RPA2: variants seen among roughly 807,000 people sequenced by gnomAD.
RPA2 encodes the protein replication protein A 32 kDa subunit.
RPA2 carries 22 observed loss-of-function variants against 33.4 expected under a neutral mutation model. That is an observed-to-expected ratio of 0.66 (90% CI 0.47 to 0.94). The LOEUF is 0.94. RPA2 is among the 40% of genes least tolerant of loss of function. The pLI is 0.00. For synonymous variants in RPA2, 109 were observed against 114.9 expected (o/e 0.95, Z 0.33); for missense variants, 279 against 329.9 (o/e 0.85, Z 1.19).
At chr1:27,892,373 C>A in intron 8 of RPA2, 126 bp from the exon 9 acceptor site, 1 of 702,992 alleles carries the variant, frequency 1.4e-6, no homozygotes, top group Non-Finnish European at 2.5e-6. Context: ...TAAGAATTCA[C>A]AAGTATTCTG....
intron 4 of RPA2, among the ~76,000 whole-genome samples, chr1:27,900,056 G>A (rs896432366): frequency 2.0e-5 from 3 of 152,154 alleles, no homozygotes; most frequent in Admixed American, 1.3e-4. Context: ...TGATCCACCC[G>A]CCTCCGCCTC....
intron 2 of RPA2, among the ~76,000 whole-genome samples, chr1:27,912,057 A>G (rs2090103370): frequency 6.6e-6 from 1 of 151,808 alleles, no homozygotes. Context: ...TTGTGTCACT[A>G]CACTCCAGCC....
chr1:27,908,814 G>A (rs946926682), intron 2 of RPA2, among the ~76,000 whole-genome samples: 1 of 152,168 alleles, frequency 6.6e-6, no homozygotes, highest in African/African-American at 2.4e-5. Context: ...ATATCTTAAA[G>A]CAGCCAGACA....
chr1:27,899,537 C>T (rs1393238690), intron 4 of RPA2, among the ~76,000 whole-genome samples: 1 of 142,010 alleles, frequency 7.0e-6, no homozygotes, highest in African/African-American at 2.6e-5. Flanking sequence ...AAAAACCACA[C>T]AAACAAAACA....
chr1:27,907,207 T>G lies in RPA2; in HGVS notation c.193A>C (p.Arg65=). 6.2e-7 allele frequency: 1 copy of G among 1,614,084 alleles called. No homozygotes were observed. Among genetic ancestry groups the G allele is most frequent in the South Asian group, 1.1e-5 (1 of 91,066 alleles). The change falls in exon 3 of 9, where the codon AGA becomes CGA. Residue 65 remains arginine, a synonymous_variant. Coordinates refer to ENST00000373912, the MANE Select transcript of RPA2 (RefSeq NM_002946.5). ...TGTGAAATCTCAACATTCCCAATTC[T>G]GAACACTTCATCAACCAAAGTGGCA... ...LSATLVDEVF[R]IGNVEISQVT...
intron 4 of RPA2, among the ~76,000 whole-genome samples, chr1:27,901,365 T>G (rs2089964924): frequency 6.6e-6 from 1 of 152,074 alleles, no homozygotes; most frequent in African/African-American, 2.4e-5. Flanking sequence ...AAGTTTTTTT[T>G]TTTCTTCTTT....
intron 4 of RPA2, among the ~76,000 whole-genome samples, chr1:27,900,426 A>T (rs927483794): frequency 2.6e-5 from 4 of 151,424 alleles, no homozygotes; most frequent in Non-Finnish European, 4.4e-5. Context: ...GCTCTTTTTT[A>T]ATCTGAAGTA....
intron 2 of RPA2, among the ~76,000 whole-genome samples, chr1:27,908,887 T>A (rs1247976186): frequency 6.6e-6 from 1 of 152,204 alleles, no homozygotes; most frequent in African/African-American, 2.4e-5. Context: ...TGAAGATGAA[T>A]ATGATGGGAC....
intron 4 of RPA2, among the ~76,000 whole-genome samples, chr1:27,900,653 G>C (rs1208561082): frequency 6.6e-6 from 1 of 151,988 alleles, no homozygotes; most frequent in Non-Finnish European, 1.5e-5. Flanking sequence ...GGTAAAACTT[G>C]AGTGGATGAG....
Position 27,892,127 on chromosome 1 carries a change from A to G in RPA2, c.*36T>C. ...GACAACAGATTGTGAAACTAGGTCC[A>G]GCTGTAAAATATCTCAGGTACCCAG... On this transcript the variant is annotated 3_prime_UTR_variant, in exon 9 of 9. Transcript: ENST00000373912. 6.5e-7 allele frequency: 1 copy of G among 1,543,156 alleles called. No individual in the cohort carries two copies. The highest frequency in any genetic ancestry group is 9.0e-7 in the Non-Finnish European group (1 of 1,117,110).
At position 27,892,140 on chromosome 1, in the gene RPA2, C is replaced by T. The variant is rs1229298652; in HGVS notation, c.*23G>A. The T allele has an allele frequency of 1.9e-6, 3 of 1,589,380 alleles. No individual in the cohort carries two copies. The Admixed American group carries it at 5.0e-5, about 27-fold the overall frequency. ...GAAACTAGGTCCAGCTGTAAAATAT[C>T]TCAGGTACCCAGTTAGATCCAGTTA... On this transcript the variant is annotated 3_prime_UTR_variant, in exon 9 of 9. Coordinates refer to ENST00000373912, the MANE Select transcript of RPA2 (RefSeq NM_002946.5).
At chr1:27,912,816 A>G (rs1422102323) in intron 2 of RPA2, among the ~76,000 whole-genome samples, 1 of 152,192 alleles carries the variant, frequency 6.6e-6, no homozygotes, top group African/African-American at 2.4e-5. Flanking sequence ...AAGTCTCACA[A>G]TGACATTTTA....
At chr1:27,911,875 G>C (rs200402244) in intron 2 of RPA2, among the ~76,000 whole-genome samples, 1 of 151,226 alleles carries the variant, frequency 6.6e-6, no homozygotes, top group Non-Finnish European at 1.5e-5. Context: ...GGCAGATCAC[G>C]AGGTCAGGAG....
rs189236369 is a variant in RPA2 at position 27,903,703 on chromosome 1, G to A, written c.333+3225C>T. Among the ~76,000 whole-genome samples the A allele has an allele frequency of 2.7e-5, 4 of 147,076 alleles. No homozygotes were observed. In the East Asian group the frequency reaches 6.0e-4, roughly 22 times the overall value. On this transcript the variant is annotated intron_variant, in intron 4 of 8. Transcript: ENST00000373912. The stretch of plus-strand genomic sequence containing the variant: ...CAATGCACTCCAGCCCGGATAACAC[G>A]AGTGAAGCTCAGTCTCAAAAAAAAA...
intron 2 of RPA2, among the ~76,000 whole-genome samples, chr1:27,910,702 A>T (rs2090085720): frequency 6.6e-6 from 1 of 152,180 alleles, no homozygotes; most frequent in Non-Finnish European, 1.5e-5. Context: ...TTTTGGATAG[A>T]GTTCTTTATC....
intron 2 of RPA2, among the ~76,000 whole-genome samples, chr1:27,907,923 A>G (rs2090051168): frequency 6.6e-6 from 1 of 152,022 alleles, no homozygotes; most frequent in Non-Finnish European, 1.5e-5. Context: ...ATCTCAGCTC[A>G]CTGCAACCTC....
intron 4 of RPA2, among the ~76,000 whole-genome samples, chr1:27,904,122 G>A (rs551539016): frequency 2.7e-5 from 4 of 147,864 alleles, no homozygotes; most frequent in South Asian, 4.3e-4. Context: ...TGGAGATCGC[G>A]CCATTGCACT....
intron 2 of RPA2, among the ~76,000 whole-genome samples, chr1:27,908,621 C>T (rs998595331): frequency 2.0e-5 from 3 of 151,754 alleles, no homozygotes; most frequent in Non-Finnish European, 2.9e-5. Flanking sequence ...TCAGCCCCCC[C>T]GAGTAGCTGG....
At chr1:27,895,686 G>A (rs895630595) in intron 6 of RPA2, among the ~76,000 whole-genome samples, 13 of 151,210 alleles carry the variant, frequency 8.6e-5, no homozygotes, top group African/African-American at 3.2e-4. Flanking sequence ...AGCCGAGATC[G>A]CACCACTGCA....
Sources: gnomAD v4.1 joint callset for allele counts (sites outside exome capture counted in the v4.1 genomes callset) on GRCh38, gnomAD v4.1.1 for gene constraint, MANE v1.5 for transcripts, NCBI Gene and HGNC (gene_info 2026-07-23, HGNC 2026-07-21) for gene names.